The following ARHGAP6 variants were observed in gnomAD, a reference collection of about 807,000 sequenced individuals.
The protein encoded by ARHGAP6 is rho GTPase-activating protein 6.
In ARHGAP6, 16 loss-of-function variants were observed where a neutral mutation model predicts 55.7. The ratio of observed to expected loss-of-function variants is 0.29; its 90% CI spans 0.19 to 0.44. The LOEUF (loss-of-function observed/expected upper bound fraction) is 0.44, where lower values mean the gene tolerates loss of function less well. ARHGAP6 is among the 20% of genes least tolerant of loss of function. The probability of loss-of-function intolerance (pLI) is 1.00; values close to 1 mark genes in which losing one functional copy is unlikely to be tolerated. For synonymous variants in ARHGAP6, 382 were observed against 360.9 expected (o/e 1.06, Z -0.66); for missense variants, 698 against 808.9 (o/e 0.86, Z 1.66).
intron 1 of ARHGAP6, among the ~76,000 whole-genome samples, chrX:11,491,353 T>A (rs962377620): frequency 5.4e-5 from 6 of 110,345 alleles, no homozygotes; most frequent in African/African-American, 2.0e-4. Context: ...CCTAATGCTA[T>A]CCCTCCCCAC....
At position 11,144,070 on chromosome X, in the gene ARHGAP6, G is replaced by A. The variant is rs898819830; in HGVS notation, c.2086C>T (p.Leu696Phe). ...ATAAACTGCCCTGGCACTCTGTAAA[G>A]CTTCTCCGAGCCCCCCGGGGCCGCG... ...EDAAPGGSEK[L>F]YRVPGQFMLV... Residue 696 changes from leucine to phenylalanine, a missense_variant, in exon 11 of 13, where the codon CTT becomes TTT. Physicochemically the swap from Leu to Phe is conservative, Grantham distance 22 (BLOSUM62 0). Transcript: ENST00000337414. 1.7e-6 allele frequency: 2 copies of A among 1,211,178 alleles called. No homozygotes were observed. The highest frequency in any genetic ancestry group is 5.9e-5 in the East Asian group (2 of 33,812).
chrX:11,138,805 C>T lies in ARHGAP6; in HGVS notation c.*58G>A. 1.8e-6 allele frequency: 2 copies of T among 1,104,402 alleles called. No individual in the cohort carries two copies. Among genetic ancestry groups the T allele is most frequent in the African/African-American group, 1.8e-5 (1 of 54,801 alleles). The allele number at this position is 1,104,402 out of a possible 1,213,427, so 91.0% of individuals were successfully genotyped here. A position where few individuals can be genotyped will look rare whatever the true frequency, so the allele number is the denominator to read the frequency against. ...TGTGCCAGTGGCCACCACCCACGGT[C>T]CCCCCTGGGCTGGAGGGCGGGGGGC... On this transcript the variant is annotated 3_prime_UTR_variant, in exon 13 of 13. Coordinates refer to ENST00000337414, the MANE Select transcript of ARHGAP6 (RefSeq NM_013427.3).
At chrX:11,426,845 C>T (rs747620612) in intron 1 of ARHGAP6, among the ~76,000 whole-genome samples, 38 of 110,243 alleles carry the variant, frequency 3.4e-4, no homozygotes, top group African/African-American at 1.3e-3. Context: ...TGAGCTTTCT[C>T]TCTGTTGTGT....
chrX:11,604,098 C>A (rs5979432), intron 1 of ARHGAP6, among the ~76,000 whole-genome samples: 17,717 of 110,823 alleles, frequency 0.16, 1,142 homozygotes, highest in Middle Eastern at 0.23. Flanking sequence ...CAAGCCTAAC[C>A]ATGTAAGCAT....
At chrX:11,386,410 G>A (rs184890213) in intron 1 of ARHGAP6, among the ~76,000 whole-genome samples, 85 of 112,204 alleles carry the variant, frequency 7.6e-4, no homozygotes, top group African/African-American at 2.2e-3. Flanking sequence ...AGACCACGGA[G>A]TTCAGGGAGA....
intron 1 of ARHGAP6, among the ~76,000 whole-genome samples, chrX:11,372,771 C>CAAAAAAA (rs1171647934): frequency 1.8e-3 from 26 of 14,334 alleles, no homozygotes; most frequent in African/African-American, 5.2e-3. Context: ...GACTCCATCT[C>CAAAAAAA]AAAAAAAAAA....
At chrX:11,563,279 A>G (rs750875530) in intron 1 of ARHGAP6, among the ~76,000 whole-genome samples, 2 of 111,811 alleles carry the variant, frequency 1.8e-5, no homozygotes, top group Non-Finnish European at 3.8e-5. Flanking sequence ...ACCAACTGTA[A>G]TTTTGTGAGC....
intron 1 of ARHGAP6, among the ~76,000 whole-genome samples, chrX:11,571,352 T>C (rs2051514107): frequency 1.8e-5 from 2 of 111,238 alleles, no homozygotes; most frequent in South Asian, 7.6e-4. Context: ...CTTCACTCAC[T>C]ACTCTCTACT....
intron 1 of ARHGAP6, among the ~76,000 whole-genome samples, chrX:11,278,663 T>C (rs1034912774): frequency 1.8e-5 from 2 of 111,661 alleles, no homozygotes; most frequent in Non-Finnish European, 3.8e-5. Context: ...ACACATACAT[T>C]ATTTAATGCA....
chrX:11,630,801 T>G (rs2052352233), intron 1 of ARHGAP6, among the ~76,000 whole-genome samples: 1 of 112,293 alleles, frequency 8.9e-6, no homozygotes, highest in South Asian at 3.7e-4. Flanking sequence ...GAGCAAAGCT[T>G]TGAAGTTAGA....
At position 11,438,098 on chromosome X, in the gene ARHGAP6, A is replaced by G. The variant is rs757873229; in HGVS notation, c.589-183391T>C. ...CTTACTGATAAATGCTTTGACTGAC[A>G]TCTTTGCCTACATTCGATCTGTTTC... On this transcript the variant is annotated intron_variant, in intron 1 of 12. Coordinates refer to ENST00000337414, the MANE Select transcript of ARHGAP6 (RefSeq NM_013427.3). Among the ~76,000 whole-genome samples the G allele has an allele frequency of 4.4e-5, 5 of 112,495 alleles. No individual in the cohort carries two copies. In the East Asian group the frequency reaches 8.4e-4, roughly 19 times the overall value.
intron 1 of ARHGAP6, among the ~76,000 whole-genome samples, chrX:11,488,133 G>A (rs1603229319): frequency 8.9e-6 from 1 of 111,861 alleles, no homozygotes; most frequent in African/African-American, 3.3e-5. Context: ...TATAAAGAGA[G>A]TAAAGAGATA....
At chrX:11,521,548 T>C (rs151219902) in intron 1 of ARHGAP6, among the ~76,000 whole-genome samples, 1,454 of 112,080 alleles carry the variant, frequency 0.013, 25 homozygotes, top group African/African-American at 0.045. Context: ...CCATGCTGTT[T>C]TGGTTACTGT....
At chrX:11,559,663 C>T (rs1009605684) in intron 1 of ARHGAP6, among the ~76,000 whole-genome samples, 1 of 111,155 alleles carries the variant, frequency 9.0e-6, no homozygotes, top group Non-Finnish European at 1.9e-5. Flanking sequence ...CGCGGTGGCT[C>T]ACGCCTGTAA....
At chrX:11,456,717 C>A (rs1012025346) in intron 1 of ARHGAP6, among the ~76,000 whole-genome samples, 9 of 112,011 alleles carry the variant, frequency 8.0e-5, no homozygotes, top group African/African-American at 2.9e-4. Context: ...TTACAAAAGA[C>A]AATCCTAGCA....
At chrX:11,227,345 C>T (rs2047063888) in intron 2 of ARHGAP6, among the ~76,000 whole-genome samples, 1 of 112,099 alleles carries the variant, frequency 8.9e-6, no homozygotes, top group Non-Finnish European at 1.9e-5. Flanking sequence ...TTGGACTCCT[C>T]TGAGTCCATT....
At chrX:11,536,282 A>AC (rs1371242632) in intron 1 of ARHGAP6, among the ~76,000 whole-genome samples, 1 of 112,017 alleles carries the variant, frequency 8.9e-6, no homozygotes, top group Non-Finnish European at 1.9e-5. Flanking sequence ...AGTGCCAGGG[A>AC]CCTAATGCCC....
chrX:11,622,416 T>C (rs1286119215), intron 1 of ARHGAP6, among the ~76,000 whole-genome samples: 2 of 112,033 alleles, frequency 1.8e-5, no homozygotes, highest in East Asian at 2.8e-4. Flanking sequence ...GAGAATTTAA[T>C]AGGAATTGTA....
intron 1 of ARHGAP6, among the ~76,000 whole-genome samples, chrX:11,468,173 G>A (rs954697680): frequency 5.4e-5 from 6 of 111,226 alleles, no homozygotes; most frequent in Non-Finnish European, 1.1e-4. Flanking sequence ...CAGGGTGCTA[G>A]TTATATGACT....
Sources: gnomAD v4.1 joint callset for allele counts (sites outside exome capture counted in the v4.1 genomes callset) on GRCh38, gnomAD v4.1.1 for gene constraint, MANE v1.5 for transcripts, NCBI Gene and HGNC (gene_info 2026-07-23, HGNC 2026-07-21) for gene names.